FOXK2: variants seen among roughly 807,000 people sequenced by gnomAD.
FOXK2 encodes forkhead box K2, also known as forkhead box protein K2.
FOXK2 carries 24 observed loss-of-function variants against 53.3 expected under a neutral mutation model. The ratio of observed to expected loss-of-function variants is 0.45; its 90% CI spans 0.33 to 0.63. The LOEUF (loss-of-function observed/expected upper bound fraction) is 0.63. Ranked by LOEUF, FOXK2 falls within the 30% of genes least tolerant of loss-of-function variation. The probability of loss-of-function intolerance (pLI) is 0.03; values close to 1 mark genes in which losing one functional copy is unlikely to be tolerated. For synonymous variants in FOXK2, 505 were observed against 407.1 expected (o/e 1.24, Z -2.89); for missense variants, 952 against 910.5 (o/e 1.05, Z -0.59).
At position 82,519,743 on chromosome 17, in the gene FOXK2, C is replaced by T. The variant is rs1439306363; in HGVS notation, c.-146C>T. ...CCGCGCGTGCTCCCGCCCCTCGCCG[C>T]CGCTCGCTCGCTCGCCGGCCGGCGG... On this transcript the variant is annotated 5_prime_UTR_variant, in exon 1 of 9. Transcript: ENST00000335255. 2 of 179,272 alleles carry T rather than the reference C, an allele frequency of 1.1e-5. No homozygotes were observed. Among genetic ancestry groups the T allele is most frequent in the South Asian group, 1.8e-4 (1 of 5,488 alleles). The allele number at this position is 179,272 out of a possible 1,614,324, so 11.1% of individuals were successfully genotyped here.
intron 1 of FOXK2, among the ~76,000 whole-genome samples, chr17:82,542,777 G>C (rs2044586961): frequency 6.6e-6 from 1 of 152,168 alleles, no homozygotes; most frequent in Non-Finnish European, 1.5e-5. Flanking sequence ...AGTACTTTGG[G>C]AGACTGAGGC....
chr17:82,525,235 T>C (rs2044405349), intron 1 of FOXK2, among the ~76,000 whole-genome samples: 1 of 152,216 alleles, frequency 6.6e-6, no homozygotes, highest in African/African-American at 2.4e-5. Context: ...AGTGACGCAG[T>C]CTCAGCTCAC....
intron 4 of FOXK2, among the ~76,000 whole-genome samples, chr17:82,575,228 A>G (rs953813381): frequency 2.0e-5 from 3 of 152,178 alleles, no homozygotes; most frequent in African/African-American, 7.2e-5. Flanking sequence ...GTGGAACACC[A>G]TCTCGGTAGG....
At chr17:82,596,070 C>T (rs2045307048) in intron 8 of FOXK2, 1 of 1,105,916 alleles carries the variant, frequency 9.0e-7, no homozygotes, top group Non-Finnish European at 1.1e-6. Context: ...GCTGTCTGCA[C>T]ATTTTTTGTA....
chr17:82,560,797 A>C (rs564255544), intron 1 of FOXK2, among the ~76,000 whole-genome samples: 8 of 152,268 alleles, frequency 5.3e-5, no homozygotes, highest in Non-Finnish European at 1.0e-4. Flanking sequence ...CAGGAGTTTG[A>C]GACCAGCCTG....
chr17:82,576,499 A>C, intron 4 of FOXK2: 1 of 561,886 alleles, frequency 1.8e-6, no homozygotes, highest in East Asian at 3.3e-5. Flanking sequence ...ACATAAATGA[A>C]GAATTACAAA....
chr17:82,574,920 T>G (rs1332636628), intron 4 of FOXK2, among the ~76,000 whole-genome samples: 4 of 152,226 alleles, frequency 2.6e-5, no homozygotes, highest in African/African-American at 9.6e-5. Context: ...GTCCTATGAT[T>G]TGATTTTTTC....
rs1050817824 is a variant in FOXK2, at chr17:82,575,973, C to T, written c.909+4103C>T. ...CACACCAGCGTGTGTGCTCGGGTGGCGGCGGCGGGTTCGTCCACACGTCCA... is the reference window on the plus strand; with the variant it reads ...CACACCAGCGTGTGTGCTCGGGTGGTGGCGGCGGGTTCGTCCACACGTCCA... On this transcript the variant is annotated intron_variant, in intron 4 of 8. Coordinates refer to ENST00000335255, the MANE Select transcript of FOXK2 (RefSeq NM_004514.4). 2.7e-3 allele frequency among the ~76,000 whole-genome samples: 286 copies of T among 105,562 alleles called. 1 individual carries two copies. The highest frequency in any genetic ancestry group is 0.01 in the African/African-American group (263 of 25,278). 69.3% of individuals were successfully genotyped at this position (105,562 alleles called of 152,430 possible).
intron 1 of FOXK2, among the ~76,000 whole-genome samples, chr17:82,546,253 A>T (rs1282137249): frequency 6.7e-6 from 1 of 149,650 alleles, no homozygotes; most frequent in East Asian, 2.0e-4. Context: ...AGGAGCTGGG[A>T]TTACAGGTGC....
intron 8 of FOXK2, among the ~76,000 whole-genome samples, chr17:82,596,533 C>G (rs1164904597): frequency 6.6e-6 from 1 of 152,286 alleles, no homozygotes; most frequent in African/African-American, 2.4e-5. Context: ...GGACTGTTTC[C>G]AGACGCACTT....
At chr17:82,536,325 C>T (rs2044520478) in intron 1 of FOXK2, among the ~76,000 whole-genome samples, 2 of 151,994 alleles carry the variant, frequency 1.3e-5, no homozygotes, top group Admixed American at 6.6e-5. Context: ...CTTTGTGTGC[C>T]TTGTGATTTT....
chr17:82,572,152 G>T, intron 4 of FOXK2: 1 of 307,800 alleles, frequency 3.2e-6, no homozygotes. Flanking sequence ...AGTGTGGATT[G>T]TTTGAGATAT....
chr17:82,532,646 G>T (rs989764651), intron 1 of FOXK2, among the ~76,000 whole-genome samples: 52 of 152,188 alleles, frequency 3.4e-4, no homozygotes, highest in African/African-American at 1.2e-3. Flanking sequence ...GAGTGCAATG[G>T]TGTGATTGTG....
At chr17:82,542,631 T>C (rs2044585879) in intron 1 of FOXK2, among the ~76,000 whole-genome samples, 1 of 151,948 alleles carries the variant, frequency 6.6e-6, no homozygotes, top group South Asian at 2.1e-4. Flanking sequence ...AAGGGCAGTT[T>C]TGGTGTTGAT....
At chr17:82,585,823 G>C (rs969196461) in intron 6 of FOXK2, 81 bp from the exon 7 acceptor site, 6 of 1,395,422 alleles carry the variant, frequency 4.3e-6, no homozygotes, top group Non-Finnish European at 5.9e-6. Flanking sequence ...TTTGTATGTT[G>C]CTTGTCAGTG....
At chr17:82,567,948 T>TTAA in intron 2 of FOXK2, 106 bp from the exon 3 acceptor site, 1 of 611,168 alleles carries the variant, frequency 1.6e-6, no homozygotes, top group Non-Finnish European at 2.4e-6. Flanking sequence ...TTTTTTTTTT[T>TTAA]AACATTTCTG....
chr17:82,592,241 C>T (rs1442363250), intron 8 of FOXK2, among the ~76,000 whole-genome samples: 1 of 152,218 alleles, frequency 6.6e-6, no homozygotes, highest in African/African-American at 2.4e-5. Flanking sequence ...CGGGGCTGAG[C>T]TGTGTTTGGC....
At chr17:82,524,552 C>T (rs779958348) in intron 1 of FOXK2, among the ~76,000 whole-genome samples, 11 of 152,164 alleles carry the variant, frequency 7.2e-5, no homozygotes, top group Non-Finnish European at 1.2e-4. Context: ...TGGGGAGCCT[C>T]GAGCCCAGTG....
intron 2 of FOXK2, among the ~76,000 whole-genome samples, chr17:82,566,086 G>A (rs978901929): frequency 2.0e-5 from 3 of 152,084 alleles, no homozygotes; most frequent in Non-Finnish European, 1.5e-5. Flanking sequence ...GGGGGAGCCG[G>A]TGTTTCTTGG....
Sources: allele counts gnomAD v4.1 joint callset (sites outside exome capture counted in the v4.1 genomes callset), GRCh38; gene constraint gnomAD v4.1.1; transcripts MANE v1.5; gene names NCBI Gene and HGNC (gene_info 2026-07-23, HGNC 2026-07-21).